The following USP15 variants were observed in gnomAD, a reference collection of about 807,000 sequenced individuals.
USP15 encodes the protein ubiquitin specific peptidase 15.
In USP15, 18 loss-of-function variants were observed where a neutral mutation model predicts 127.1. The observed-to-expected ratio is 0.14, with a 90% CI of 0.10 to 0.21. The LOEUF is 0.21. Among genes scored for constraint, USP15 ranks in the 10% least tolerant of loss-of-function variants. The probability of loss-of-function intolerance (pLI) is 1.00; values close to 1 mark genes in which losing one functional copy is unlikely to be tolerated. For synonymous variants in USP15, 364 were observed against 393.7 expected (o/e 0.92, Z 0.89); for missense variants, 805 against 1,159.9 (o/e 0.69, Z 4.44).
At position 62,345,981 on chromosome 12, in the gene USP15, A is replaced by T. The variant is rs149104399; in HGVS notation, c.684-3240A>T. Among the ~76,000 whole-genome samples the T allele has an allele frequency of 2.2e-3, 339 of 152,330 alleles. 2 individuals carry two copies. Among genetic ancestry groups the T allele is most frequent in the African/African-American group, 8.0e-3 (334 of 41,578 alleles). The stretch of plus-strand genomic sequence containing the variant: ...ACCAGAGGATTATGAAAGCTACAAG[A>T]TGAGATTTGGGTGGGGACACAGAAT... On this transcript the variant is annotated intron_variant, in intron 6 of 21. Coordinates refer to ENST00000280377, the MANE Select transcript of USP15 (RefSeq NM_001252078.2).
intron 7 of USP15, among the ~76,000 whole-genome samples, chr12:62,352,013 T>C (rs1229092082): frequency 6.6e-6 from 1 of 151,910 alleles, no homozygotes; most frequent in Non-Finnish European, 1.5e-5. Context: ...ATAGTTTCTT[T>C]AAAAATATGT....
At chr12:62,312,476 A>G (rs887952564) in intron 3 of USP15, among the ~76,000 whole-genome samples, 6 of 151,702 alleles carry the variant, frequency 4.0e-5, no homozygotes, top group Admixed American at 1.3e-4. Flanking sequence ...ATGTAGCTCA[A>G]ATACTTAGTA....
At chr12:62,400,057 A>AT (rs1191071237) in intron 20 of USP15, among the ~76,000 whole-genome samples, 1 of 152,192 alleles carries the variant, frequency 6.6e-6, no homozygotes, top group African/African-American at 2.4e-5. Flanking sequence ...GATGGGAAGA[A>AT]TTATTTAGAA....
intron 1 of USP15, among the ~76,000 whole-genome samples, chr12:62,293,826 C>G (rs942942544): frequency 6.6e-6 from 1 of 152,142 alleles, no homozygotes; most frequent in African/African-American, 2.4e-5. Context: ...TTGCAAGCTT[C>G]TTGTAAAAGA....
At chr12:62,362,562 C>G (rs2066352202) in intron 8 of USP15, among the ~76,000 whole-genome samples, 1 of 152,024 alleles carries the variant, frequency 6.6e-6, no homozygotes, top group Non-Finnish European at 1.5e-5. Context: ...TTTTGAAAGC[C>G]AGAAGTTATT....
intron 6 of USP15, chr12:62,335,145 T>C (rs1395000636): frequency 6.5e-7 from 1 of 1,532,312 alleles, no homozygotes; most frequent in Non-Finnish European, 8.7e-7. Context: ...TTCTTAGCAC[T>C]TTTTTTTCTC....
intron 11 of USP15, among the ~76,000 whole-genome samples, chr12:62,385,417 CAG>C (rs1466218258): frequency 6.6e-6 from 1 of 151,922 alleles, no homozygotes; most frequent in Non-Finnish European, 1.5e-5. Flanking sequence ...TCAACAAAGA[CAG>C]GGTATATGTA....
In USP15 at chr12:62,410,851, T is replaced by G. The variant is rs2068022272; in HGVS notation, c.*6476T>G. On this transcript the variant is annotated 3_prime_UTR_variant, in exon 22 of 22. Transcript: ENST00000280377. ...GAGTCAAGTTAATATTTGTTTTTGT[T>G]TTTTTTTTTTTTTAATTTTGGGCCT... 1.1e-5 allele frequency: 1 copy of G among 91,964 alleles called. No individual in the cohort carries two copies. Among genetic ancestry groups the G allele is most frequent in the African/African-American group, 3.6e-5 (1 of 27,710 alleles). The allele number at this position is 91,964 out of a possible 1,614,324, so 5.7% of individuals were successfully genotyped here. A position where few individuals can be genotyped will look rare whatever the true frequency, so the allele number is the denominator to read the frequency against.
intron 7 of USP15, among the ~76,000 whole-genome samples, chr12:62,349,509 GAAAT>G (rs1332227080): frequency 1.3e-5 from 2 of 151,904 alleles, no homozygotes; most frequent in African/African-American, 2.4e-5. Flanking sequence ...TATACTGAAA[GAAAT>G]AAAACACTTA....
intron 1 of USP15, among the ~76,000 whole-genome samples, chr12:62,269,282 A>T (rs543167103): frequency 2.0e-5 from 3 of 152,214 alleles, no homozygotes; most frequent in African/African-American, 7.2e-5. Flanking sequence ...ACAACATGTT[A>T]CTGTAGTGCA....
At chr12:62,382,547 G>A (rs942307725) in intron 9 of USP15, among the ~76,000 whole-genome samples, 7 of 151,874 alleles carry the variant, frequency 4.6e-5, no homozygotes, top group African/African-American at 1.7e-4. Flanking sequence ...CCATCTCTCA[G>A]CTCTTACTAG....
At chr12:62,372,346 A>G (rs1377659176) in intron 8 of USP15, among the ~76,000 whole-genome samples, 1 of 152,172 alleles carries the variant, frequency 6.6e-6, no homozygotes, top group Non-Finnish European at 1.5e-5. Context: ...TGGGCAGATC[A>G]TATCAGTACC....
chr12:62,404,461 A>C lies in USP15; in HGVS notation c.*86A>C. On this transcript the variant is annotated 3_prime_UTR_variant, in exon 22 of 22. Transcript: ENST00000280377. ...GAAGTTACCCACCACATTAAAACAA[A>C]AGTCTGAGATGGGGAGTTTCAGATA... The C allele has an allele frequency of 1.4e-6, 2 of 1,420,272 alleles. No homozygotes were observed. The highest frequency in any genetic ancestry group is 1.8e-6 in the Non-Finnish European group (2 of 1,081,718). 88.0% of individuals were successfully genotyped at this position (1,420,272 alleles called of 1,614,324 possible).
At chr12:62,384,699 T>C (rs1229578662) in intron 11 of USP15, among the ~76,000 whole-genome samples, 1 of 151,784 alleles carries the variant, frequency 6.6e-6, no homozygotes, top group Non-Finnish European at 1.5e-5. Flanking sequence ...ATTCATAGTG[T>C]GATAGTAGTG....
At chr12:62,361,122 T>C (rs1352936295) in intron 8 of USP15, among the ~76,000 whole-genome samples, 3 of 152,106 alleles carry the variant, frequency 2.0e-5, no homozygotes, top group Non-Finnish European at 2.9e-5. Flanking sequence ...AGACAGATTA[T>C]TTTAAGAAAG....
chr12:62,270,466 A>G lies in USP15; in HGVS notation c.89+9963A>G, dbSNP rs536937915. Among the ~76,000 whole-genome samples, 4 of 152,114 alleles carry G rather than the reference A, an allele frequency of 2.6e-5. No homozygotes were observed. In the East Asian group the frequency reaches 7.7e-4, roughly 29 times the overall value. On this transcript the variant is annotated intron_variant, in intron 1 of 21. Coordinates refer to ENST00000280377, the MANE Select transcript of USP15 (RefSeq NM_001252078.2). ...CAAGGTCATGAGGATTTACTCATAT[A>G]TTTTCTTTTCCAAGTTTTGTAGTTC...
chr12:62,328,760 CCTA>C (rs1389839499), intron 6 of USP15, among the ~76,000 whole-genome samples: 1 of 151,980 alleles, frequency 6.6e-6, no homozygotes, highest in Non-Finnish European at 1.5e-5. Flanking sequence ...GAACACTAGA[CCTA>C]CAAGGTAAAT....
intron 9 of USP15, among the ~76,000 whole-genome samples, chr12:62,381,961 C>T (rs2067002845): frequency 6.6e-6 from 1 of 151,904 alleles, no homozygotes. Flanking sequence ...AGTATAGAGA[C>T]AGCAATGAGC....
At chr12:62,331,697 T>G (rs183230961) in intron 6 of USP15, among the ~76,000 whole-genome samples, 4 of 152,306 alleles carry the variant, frequency 2.6e-5, no homozygotes, top group African/African-American at 9.6e-5. Flanking sequence ...CATAAATTTT[T>G]GGGCTCCTTG....
Sources: gnomAD v4.1 joint callset for allele counts (sites outside exome capture counted in the v4.1 genomes callset) on GRCh38, gnomAD v4.1.1 for gene constraint, MANE v1.5 for transcripts, NCBI Gene and HGNC (gene_info 2026-07-23, HGNC 2026-07-21) for gene names.